MYO16: variants seen among roughly 807,000 people sequenced by gnomAD.
The protein encoded by MYO16 is unconventional myosin-XVI.
A neutral mutation model predicts 205.3 loss-of-function variants in MYO16; 94 were observed. The observed-to-expected ratio is 0.46, with a 90% CI of 0.39 to 0.54. The LOEUF (loss-of-function observed/expected upper bound fraction) is 0.54. MYO16 is among the 20% of genes least tolerant of loss of function. MYO16 has a pLI of 0.00. For missense variants in MYO16, 2,315 were observed against 2,387.5 expected, an observed-to-expected ratio of 0.97 and a Z score of 0.63; for synonymous variants, 988 against 954.0, an observed-to-expected ratio of 1.04 and a Z score of -0.66.
the MYO16 span, among the ~76,000 whole-genome samples, chr13:108,495,961 CGCGGGGAACGCG>C: frequency 6.6e-6 from 1 of 152,102 alleles, no homozygotes; most frequent in East Asian, 2.0e-4. Context: ...GCGGTCCAAG[CGCGGGGAACGCG>C]GCGGGGCAGC....
At chr13:108,977,657 T>C (rs951766012) in intron 20 of MYO16, among the ~76,000 whole-genome samples, 2 of 152,184 alleles carry the variant, frequency 1.3e-5, no homozygotes, top group African/African-American at 4.8e-5. Flanking sequence ...GTTGATAGTT[T>C]AATTTTTAGT....
chr13:108,769,803 T>C (rs535860120), intron 4 of MYO16, among the ~76,000 whole-genome samples: 1 of 152,146 alleles, frequency 6.6e-6, no homozygotes, highest in South Asian at 2.1e-4. Context: ...TATCTGGGGC[T>C]AAGTAACTAG....
chr13:109,035,704 A>C (rs923948384), intron 23 of MYO16, among the ~76,000 whole-genome samples: 4 of 152,140 alleles, frequency 2.6e-5, no homozygotes, highest in Non-Finnish European at 5.9e-5. Context: ...ATTAAATAAA[A>C]TAAAATGCAC....
At chr13:108,811,651 C>T (rs896814214) in intron 7 of MYO16, among the ~76,000 whole-genome samples, 2 of 151,614 alleles carry the variant, frequency 1.3e-5, no homozygotes, top group Admixed American at 6.6e-5. Context: ...TCCTACTTCT[C>T]TCTCCTCTCT....
chr13:108,671,126 G>A (rs1881970338), intron 2 of MYO16, among the ~76,000 whole-genome samples: 1 of 152,106 alleles, frequency 6.6e-6, no homozygotes, highest in Admixed American at 6.6e-5. Flanking sequence ...TTTTATTTAA[G>A]AAATTGCTCT....
intron 10 of MYO16, among the ~76,000 whole-genome samples, chr13:108,852,768 G>A (rs1413381623): frequency 6.6e-6 from 1 of 152,132 alleles, no homozygotes; most frequent in African/African-American, 2.4e-5. Context: ...AGCTGCAGAG[G>A]AGGCACTGGG....
Position 109,140,833 on chromosome 13 carries a change from C to G in MYO16, c.4621C>G (p.Leu1541Val). ...SPLTPLEVKK[L>V]PVLETNLKYP... Reference sequence around the variant, plus strand: ...CCTGACACCCCTGGAGGTGAAGAAGCTGCCAGTCCTGGAGACCAACCTCAA... The same window carrying G: ...CCTGACACCCCTGGAGGTGAAGAAGGTGCCAGTCCTGGAGACCAACCTCAA... The change falls in exon 32 of 35, where the codon CTG becomes GTG. Residue 1541 changes from leucine to valine, a missense_variant. Transcript: ENST00000457511. The surrounding 1 kb of genome is among the most constrained non-coding windows in gnomAD (Gnocchi z 8.0). 1 of 1,595,104 alleles carries G rather than the reference C, an allele frequency of 6.3e-7. No individual in the cohort carries two copies. The highest frequency in any genetic ancestry group is 8.5e-7 in the Non-Finnish European group (1 of 1,172,704).
At chr13:108,877,672 T>G (rs1879390456) in intron 12 of MYO16, among the ~76,000 whole-genome samples, 1 of 152,238 alleles carries the variant, frequency 6.6e-6, no homozygotes, top group Non-Finnish European at 1.5e-5. Flanking sequence ...AGTTTATATT[T>G]TTGCCCGAAT....
intron 6 of MYO16, among the ~76,000 whole-genome samples, chr13:108,805,927 A>AATAAATAAATAAATAAATAT (rs1887099124): frequency 6.8e-6 from 1 of 147,158 alleles, no homozygotes; most frequent in Admixed American, 6.8e-5. Context: ...TCTCTACCAA[A>AATAAATAAATAAATAAATAT]ATAAATAAAT....
intron 1 of MYO16, among the ~76,000 whole-genome samples, chr13:108,660,093 C>A (rs1156811483): frequency 6.6e-6 from 1 of 152,006 alleles, no homozygotes; most frequent in Non-Finnish European, 1.5e-5. Context: ...CAGAGCAAGA[C>A]CCCATCTCTA....
intron 4 of MYO16, among the ~76,000 whole-genome samples, chr13:108,758,887 G>A (rs1258534520): frequency 6.6e-6 from 1 of 152,158 alleles, no homozygotes; most frequent in Non-Finnish European, 1.5e-5. Flanking sequence ...ATGATTTAGT[G>A]TAATATCTTT....
intron 33 of MYO16, among the ~76,000 whole-genome samples, chr13:109,173,333 A>C (rs1878995567): frequency 6.6e-6 from 1 of 152,366 alleles, no homozygotes; most frequent in African/African-American, 2.4e-5. Flanking sequence ...ATGTCAAATG[A>C]ATCCCATAAA....
At chr13:108,604,835 T>C (rs1878891423) in intron 1 of MYO16, among the ~76,000 whole-genome samples, 2 of 152,216 alleles carry the variant, frequency 1.3e-5, no homozygotes, top group African/African-American at 4.8e-5. Context: ...ATGTCTGTTT[T>C]TCCACTTGTA....
At chr13:108,566,361 C>T in the MYO16 span, among the ~76,000 whole-genome samples, 11 of 152,110 alleles carry the variant, frequency 7.2e-5, no homozygotes, top group African/African-American at 2.2e-4. Context: ...TCTGCAGTAT[C>T]AGTTTTAATG....
intron 20 of MYO16, among the ~76,000 whole-genome samples, chr13:108,986,363 T>C (rs921413170): frequency 1.1e-4 from 17 of 152,100 alleles, no homozygotes; most frequent in African/African-American, 4.1e-4. Context: ...GGCTCATGGC[T>C]GTAATCCCAG....
chr13:108,802,691 C>T (rs1054719751), intron 6 of MYO16, among the ~76,000 whole-genome samples: 2 of 152,124 alleles, frequency 1.3e-5, no homozygotes, highest in East Asian at 1.9e-4. Context: ...ACATTTCTAC[C>T]AGTAACATAC....
At chr13:109,039,993 A>G (rs1027626046) in intron 23 of MYO16, among the ~76,000 whole-genome samples, 2 of 152,144 alleles carry the variant, frequency 1.3e-5, no homozygotes, top group Admixed American at 1.3e-4. Context: ...TAAAACAAGG[A>G]AAATCATTAT....
intron 4 of MYO16, among the ~76,000 whole-genome samples, chr13:108,728,904 T>C (rs7993122): frequency 0.98 from 149,412 of 152,136 alleles, 73,413 homozygotes; most frequent in Middle Eastern, 1. Flanking sequence ...AAAGGCTGTA[T>C]ATTGGGACTG....
At chr13:109,136,154 C>T (rs567541263) in intron 31 of MYO16, among the ~76,000 whole-genome samples, 16 of 151,698 alleles carry the variant, frequency 1.1e-4, no homozygotes, top group South Asian at 2.1e-4. Flanking sequence ...AATGCAGTGG[C>T]GCAATCTTGG....
Sources: gnomAD v4.1 joint callset for allele counts (sites outside exome capture counted in the v4.1 genomes callset) on GRCh38, gnomAD v4.1.1 for gene constraint, Gnocchi (gnomAD v3.1) non-coding constraint, MANE v1.5 for transcripts, NCBI Gene and HGNC (gene_info 2026-07-23, HGNC 2026-07-21) for gene names.